The following PLSCR5 variants were observed in gnomAD, a reference collection of about 807,000 sequenced individuals.
PLSCR5 encodes the protein phospholipid scramblase family, member 5.
A neutral mutation model predicts 33.6 loss-of-function variants in PLSCR5; 44 were observed. The observed-to-expected ratio is 1.31, with a 90% CI of 1.03 to 1.69. The LOEUF is 1.69. PLSCR5 is among the 40% of genes most tolerant of loss of function. PLSCR5 has a pLI of 0.00. For synonymous variants in PLSCR5, 148 were observed against 112.3 expected (o/e 1.32, Z -2.01); for missense variants, 375 against 318.7 (o/e 1.18, Z -1.34).
intron 5 of PLSCR5, 85 bp downstream of exon 5, chr3:146,591,635 T>A (rs189046455): frequency 1.0e-5 from 14 of 1,366,014 alleles, no homozygotes; most frequent in Non-Finnish European, 1.3e-5. Context: ...TTAAATGAAA[T>A]TAATTTGAAC....
At position 146,591,749 on chromosome 3, in the gene PLSCR5, A is replaced by C. The variant is rs565552450; in HGVS notation, c.586T>G (p.Cys196Gly). 1 of 1,611,468 alleles carries C rather than the reference A, an allele frequency of 6.2e-7. No individual in the cohort carries two copies. Among genetic ancestry groups the C allele is most frequent in the Non-Finnish European group, 8.5e-7 (1 of 1,178,690 alleles). The change falls in exon 5 of 8, where the codon TGT becomes GGT. Residue 196 changes from cysteine (C) to glycine (G), a missense_variant. Transcript: ENST00000443512. ...AAATCCACATCGCCAAAACAGCCAC[A>C]TGTCACACAAGGACCAACAATTTTC... ...ILKIVGPCVT[C>G]GCFGDVDFEV...
chr3:146,599,569 G>T (rs1336354688), intron 2 of PLSCR5, among the ~76,000 whole-genome samples: 4 of 151,640 alleles, frequency 2.6e-5, no homozygotes, highest in African/African-American at 9.7e-5. Context: ...GGGTAAGAGG[G>T]GCTAGGTTTC....
At chr3:146,578,466 T>C (rs1164577972) in intron 7 of PLSCR5, among the ~76,000 whole-genome samples, 1 of 145,634 alleles carries the variant, frequency 6.9e-6, no homozygotes, top group Non-Finnish European at 1.5e-5. Flanking sequence ...CCTAGTTTTT[T>C]GGCTTCCCAT....
In PLSCR5 at chr3:146,587,534, GGT is replaced by G. The variant is rs201706330; in HGVS notation, c.778-1424_778-1423del. Among the ~76,000 whole-genome samples, 9 of 152,002 alleles carry G rather than the reference GGT, an allele frequency of 5.9e-5. No individual in the cohort carries two copies. The East Asian group carries it at 1.7e-3, about 29-fold the overall frequency. On this transcript the variant is annotated intron_variant, in intron 6 of 7. Coordinates refer to ENST00000443512, the MANE Select transcript of PLSCR5 (RefSeq NM_001085420.2). ...GGCCTAATGAAGATCTTGGGGAAAGGGTGTGTGTGTGGAGGGGTTGGTGTTGA... is the reference window on the plus strand; with the variant it reads ...GGCCTAATGAAGATCTTGGGGAAAGGGTGTGTGTGGAGGGGTTGGTGTTGA...
chr3:146,598,546 A>T (rs1244674389), intron 2 of PLSCR5, among the ~76,000 whole-genome samples: 1 of 152,220 alleles, frequency 6.6e-6, no homozygotes, highest in Non-Finnish European at 1.5e-5. Context: ...CAATGGGCTC[A>T]TATCTCTACT....
In PLSCR5 at chr3:146,594,106, C is replaced by A; in HGVS notation, c.267G>T (p.Glu89Asp). The A allele has an allele frequency of 6.2e-7, 1 of 1,613,548 alleles. No individual in the cohort carries two copies. The highest frequency in any genetic ancestry group is 1.1e-5 in the South Asian group (1 of 91,070). The part of the protein sequence containing the change: ...ILGTETSNKY[E>D]IKNSLGQRIY... ...TTCTTTGTCCCAAGCTGTTTTTAAT[C>A]TCATATTTGTTGGAGGTCTCAGTAC... Residue 89 changes from glutamate (E) to aspartate (D), a missense_variant, in exon 4 of 8, where the codon GAG becomes GAT. Physicochemically the swap from Glu to Asp is conservative, Grantham distance 45 (BLOSUM62 2). Coordinates refer to ENST00000443512, the MANE Select transcript of PLSCR5 (RefSeq NM_001085420.2).
intron 7 of PLSCR5, among the ~76,000 whole-genome samples, chr3:146,579,499 A>G (rs1337214999): frequency 6.6e-6 from 1 of 152,224 alleles, no homozygotes; most frequent in African/African-American, 2.4e-5. Context: ...ATGAATTAGA[A>G]TTTCAGTGTG....
At chr3:146,591,106 G>T (rs1234092836) in intron 5 of PLSCR5, among the ~76,000 whole-genome samples, 1 of 150,314 alleles carries the variant, frequency 6.7e-6, no homozygotes, top group African/African-American at 2.4e-5. Flanking sequence ...GATCTAAACT[G>T]GGATATGTGA....
At chr3:146,596,699 A>G (rs1249556504) in intron 2 of PLSCR5, among the ~76,000 whole-genome samples, 1 of 152,176 alleles carries the variant, frequency 6.6e-6, no homozygotes, top group Non-Finnish European at 1.5e-5. Flanking sequence ...TTTGGTATTG[A>G]TTGGACATCA....
rs778694486 is a variant in PLSCR5, at chr3:146,600,420, T to C, written c.57A>G (p.Gly19=). The C allele has an allele frequency of 1.0e-5, 16 of 1,604,342 alleles. No homozygotes were observed. The African/African-American group carries it at 1.5e-4, about 15-fold the overall frequency. The change falls in exon 2 of 8, where the codon GGA becomes GGG. Residue 19 remains glycine, a synonymous_variant. Transcript: ENST00000443512. ...QRRGLPGFLP[G]APDPDQSLPA... is the part of the protein sequence containing the mutation. ...GAAGGCTTTGGTCTGGGTCTGGAGC[T>C]CCAGGAAGAAAACCAGGCAGACCTC...
At chr3:146,599,535 T>C (rs901207906) in intron 2 of PLSCR5, among the ~76,000 whole-genome samples, 3 of 151,578 alleles carry the variant, frequency 2.0e-5, no homozygotes, top group Non-Finnish European at 4.4e-5. Flanking sequence ...TTTTTTGTCT[T>C]GCCAATTAGG....
At chr3:146,594,234 C>G in intron 3 of PLSCR5, 94 bp from the exon 4 acceptor site, 2 of 858,046 alleles carry the variant, frequency 2.3e-6, no homozygotes, top group Non-Finnish European at 1.8e-6. Context: ...AATACAGTGT[C>G]TGATCAATTA....
chr3:146,587,162 G>T (rs1164695660), intron 6 of PLSCR5, among the ~76,000 whole-genome samples: 1 of 152,098 alleles, frequency 6.6e-6, no homozygotes, highest in African/African-American at 2.4e-5. Flanking sequence ...TGCATCTGGG[G>T]TGGGATCTGA....
rs963987605 is a variant in PLSCR5, at chr3:146,589,643, C to T, written c.777+10G>A. The stretch of plus-strand genomic sequence containing the variant: ...AACAAATCACTCATGCTCTCAAAGC[C>T]CATACTTACAAAGAGAAAACAGGCA... On this transcript the variant is annotated intron_variant, in intron 6 of 7. Coordinates refer to ENST00000443512, the MANE Select transcript of PLSCR5 (RefSeq NM_001085420.2). 6.4e-7 allele frequency: 1 copy of T among 1,558,042 alleles called. No individual in the cohort carries two copies. The highest frequency in any genetic ancestry group is 8.8e-7 in the Non-Finnish European group (1 of 1,141,328).
At chr3:146,591,457 CTT>C (rs2044713544) in intron 5 of PLSCR5, among the ~76,000 whole-genome samples, 3 of 151,908 alleles carry the variant, frequency 2.0e-5, no homozygotes, top group South Asian at 4.2e-4. Flanking sequence ...TTGGATAATA[CTT>C]ACACTGGTCT....
At chr3:146,600,991 T>C (rs1416952613) in intron 1 of PLSCR5, among the ~76,000 whole-genome samples, 2 of 146,274 alleles carry the variant, frequency 1.4e-5, no homozygotes, top group East Asian at 3.9e-4. Context: ...ATATTTATAT[T>C]TGTATAAGTC....
Position 146,593,925 on chromosome 3 carries a change from G to C in PLSCR5, c.448C>G (p.Gln150Glu). 16 of 1,613,308 alleles carry C rather than the reference G, an allele frequency of 9.9e-6. No homozygotes were observed. The highest frequency in any genetic ancestry group is 1.4e-5 in the Non-Finnish European group (16 of 1,179,360). ...AACCAGAGCCAGTAACTAACCTCTTGTAGGTAGCAAGGGCACCAGCAGCTG... is the reference window on the plus strand; with the variant it reads ...AACCAGAGCCAGTAACTAACCTCTTCTAGGTAGCAAGGGCACCAGCAGCTG... Reference protein sequence around the residue: ...CNSCWCPCYLQELEIQAPPGT... With the variant: ...CNSCWCPCYLEELEIQAPPGT... Residue 150 changes from glutamine (Q) to glutamate (E), a missense_variant, in exon 4 of 8, where the codon CAA becomes GAA. Physicochemically the swap from Gln to Glu is conservative, Grantham distance 29. Transcript: ENST00000443512.
chr3:146,590,879 C>T (rs1418928871), intron 5 of PLSCR5, among the ~76,000 whole-genome samples: 1 of 151,992 alleles, frequency 6.6e-6, no homozygotes, highest in Non-Finnish European at 1.5e-5. Flanking sequence ...TCTCCTCTAC[C>T]TAAGTTGTAT....
intron 5 of PLSCR5, 100 bp from the exon 6 acceptor site, chr3:146,589,914 T>G: frequency 2.8e-6 from 2 of 722,704 alleles, no homozygotes; most frequent in Non-Finnish European, 4.1e-6. Flanking sequence ...ATTATTTTAT[T>G]TGTCATCTTC....
Sources: allele counts gnomAD v4.1 joint callset (sites outside exome capture counted in the v4.1 genomes callset), GRCh38; gene constraint gnomAD v4.1.1; transcripts MANE v1.5; gene names NCBI Gene and HGNC (gene_info 2026-07-23, HGNC 2026-07-21).